FAM184A: variants seen among roughly 807,000 people sequenced by gnomAD.
FAM184A encodes family with sequence similarity 184 member A.
Under a neutral mutation model 143.8 loss-of-function variants are expected in FAM184A, and 99 were observed. The observed-to-expected ratio is 0.69, with a 90% confidence interval of 0.58 to 0.81. FAM184A has a LOEUF of 0.81. Among genes scored for constraint, FAM184A ranks in the 40% least tolerant of loss-of-function variants. The pLI is 0.00. For synonymous variants in FAM184A, 427 were observed against 446.4 expected (o/e 0.96, Z 0.55); for missense variants, 1,217 against 1,310.5 (o/e 0.93, Z 1.10).
At chr6:119,061,748 T>C (rs1190235494) in intron 1 of FAM184A, among the ~76,000 whole-genome samples, 1 of 151,838 alleles carries the variant, frequency 6.6e-6, no homozygotes. Flanking sequence ...ACAAAGGACT[T>C]ATAAAAACGT....
chr6:119,040,037 T>C (rs1278435332), intron 1 of FAM184A, among the ~76,000 whole-genome samples: 1 of 152,236 alleles, frequency 6.6e-6, no homozygotes, highest in African/African-American at 2.4e-5. Context: ...ATAAAAGTCC[T>C]AGCATCAGGT....
At chr6:119,104,537 C>T (rs954508727) in intron 1 of FAM184A, among the ~76,000 whole-genome samples, 2 of 152,052 alleles carry the variant, frequency 1.3e-5, no homozygotes, top group Non-Finnish European at 2.9e-5. Context: ...AGTGGTATCA[C>T]GCAAATAGTA....
chr6:118,980,682 A>C (rs77158071), intron 9 of FAM184A, among the ~76,000 whole-genome samples: 2,850 of 152,324 alleles, frequency 0.019, 101 homozygotes, highest in African/African-American at 0.066. Context: ...AAGACAACTA[A>C]CATATTCATT....
intron 9 of FAM184A, among the ~76,000 whole-genome samples, chr6:118,984,149 T>TAA (rs530813071): frequency 0.43 from 48,380 of 111,544 alleles, 10,335 homozygotes; most frequent in East Asian, 0.62. Flanking sequence ...AAACTCCATT[T>TAA]AAAAAAAAAA....
At chr6:118,994,499 A>T (rs1045294232) in intron 9 of FAM184A, among the ~76,000 whole-genome samples, 5 of 151,846 alleles carry the variant, frequency 3.3e-5, no homozygotes, top group African/African-American at 1.2e-4. Flanking sequence ...ACCCTGGCTA[A>T]CATGGTGAAA....
intron 1 of FAM184A, among the ~76,000 whole-genome samples, chr6:119,093,462 C>G (rs1788426067): frequency 6.6e-6 from 1 of 152,216 alleles, no homozygotes; most frequent in Admixed American, 6.5e-5. Flanking sequence ...TTCAATTTAA[C>G]ACTTTCAGAT....
chr6:118,978,300 T>G (rs1783909227), intron 11 of FAM184A, among the ~76,000 whole-genome samples: 1 of 152,198 alleles, frequency 6.6e-6, no homozygotes, highest in Non-Finnish European at 1.5e-5. Context: ...GTGGAGCATG[T>G]TTCAATGGAC....
intron 1 of FAM184A, among the ~76,000 whole-genome samples, chr6:119,100,535 G>A (rs1033410643): frequency 1.4e-4 from 22 of 152,228 alleles, no homozygotes; most frequent in Admixed American, 1.3e-3. Flanking sequence ...GACCTCCAGC[G>A]TGGGCCGGAG....
chr6:119,081,161 C>A (rs1474026908), upstream of FAM184A, among the ~76,000 whole-genome samples: 3 of 152,132 alleles, frequency 2.0e-5, no homozygotes, highest in Non-Finnish European at 4.4e-5. Flanking sequence ...GAAGGAGAAG[C>A]AAGACACATC....
chr6:119,024,241 T>G lies in FAM184A; in HGVS notation c.732A>C (p.Leu244=), dbSNP rs1785552929. 1 of 1,614,068 alleles carries G rather than the reference T, an allele frequency of 6.2e-7. No individual in the cohort carries two copies. The highest frequency in any genetic ancestry group is 8.5e-7 in the Non-Finnish European group (1 of 1,180,032). The change falls in exon 2 of 18, where the codon CTA becomes CTC. Residue 244 remains leucine, a synonymous_variant. Coordinates refer to ENST00000338891, the MANE Select transcript of FAM184A (RefSeq NM_024581.6). ...LEELRLERKK[L]IEDYEGKLNK... ...TCAACTTGCCTTCATAATCCTCAAT[T>G]AGTTTCTTCCGTTCAAGTCTTAGCT...
rs1788226487 is a variant in FAM184A, at chr6:119,086,490, G to A, written c.-201-61677C>T. 2.0e-5 allele frequency among the ~76,000 whole-genome samples: 3 copies of A among 152,156 alleles called. No individual in the cohort carries two copies. The South Asian group carries it at 6.2e-4, about 32-fold the overall frequency. On this transcript the variant is annotated intron_variant, in intron 1 of 16. Coordinates refer to the FAM184A transcript ENST00000352896. ...GGACCCTGAAGGCTGAGTTTTTCAG[G>A]TAAAATGGGTAGGAAGGTAGATTAC...
chr6:119,112,051 G>A (rs1788946960), intron 1 of FAM184A, among the ~76,000 whole-genome samples: 2 of 152,204 alleles, frequency 1.3e-5, no homozygotes, highest in Non-Finnish European at 2.9e-5. Context: ...AAGAAAGCAG[G>A]TGGGGACCTC....
At chr6:119,143,687 C>T (rs541322494) in intron 1 of FAM184A, among the ~76,000 whole-genome samples, 4 of 152,272 alleles carry the variant, frequency 2.6e-5, no homozygotes, top group African/African-American at 7.2e-5. Flanking sequence ...GGACATGACG[C>T]TAAGTGAAAT....
At chr6:119,101,951 G>A (rs1020213299) in intron 1 of FAM184A, among the ~76,000 whole-genome samples, 2 of 152,088 alleles carry the variant, frequency 1.3e-5, no homozygotes, top group South Asian at 4.1e-4. Flanking sequence ...AGCTACTCAG[G>A]AGGCTGAGGT....
At chr6:118,971,973 G>A (rs1445600656) in intron 14 of FAM184A, among the ~76,000 whole-genome samples, 1 of 152,108 alleles carries the variant, frequency 6.6e-6, no homozygotes, top group Admixed American at 6.6e-5. Flanking sequence ...GAATCCACAG[G>A]ACTCTTCTGA....
chr6:119,022,893 T>C, intron 3 of FAM184A, 52 bp downstream of exon 3: 2 of 1,605,362 alleles, frequency 1.2e-6, no homozygotes, highest in South Asian at 2.2e-5. Flanking sequence ...AATAAATAAA[T>C]AAAGTGTTGA....
chr6:119,041,428 A>T (rs1222968494), intron 1 of FAM184A, among the ~76,000 whole-genome samples: 2 of 152,170 alleles, frequency 1.3e-5, no homozygotes. Flanking sequence ...GCTCACTAAA[A>T]TGCTAATTAG....
rs140104802 is a variant in FAM184A, at chr6:119,127,290, G to C, written c.-202+21788C>G. 3.4e-3 allele frequency among the ~76,000 whole-genome samples: 524 copies of C among 152,260 alleles called. 2 individuals are homozygous for C. Among genetic ancestry groups the C allele is most frequent in the Middle Eastern group, 0.01 (3 of 294 alleles). On this transcript the variant is annotated intron_variant, in intron 1 of 16. Coordinates refer to the FAM184A transcript ENST00000352896. Reference sequence around the variant, plus strand: ...GCAAATCCCTTCACAGTAGCACCTAGGTTAGTGTTTGATTGAAAAACTGGG... The same window carrying C: ...GCAAATCCCTTCACAGTAGCACCTACGTTAGTGTTTGATTGAAAAACTGGG...
intron 4 of FAM184A, among the ~76,000 whole-genome samples, chr6:119,019,637 A>G (rs377675758): frequency 2.0e-5 from 3 of 152,230 alleles, no homozygotes; most frequent in African/African-American, 4.8e-5. Context: ...AATTTCCTAC[A>G]TGGATATGCA....
Sources: gnomAD v4.1 joint callset for allele counts (sites outside exome capture counted in the v4.1 genomes callset) on GRCh38, gnomAD v4.1.1 for gene constraint, MANE v1.5 for transcripts, NCBI Gene and HGNC (gene_info 2026-07-23, HGNC 2026-07-21) for gene names.